AGK: variants seen among roughly 807,000 people sequenced by gnomAD.
The protein encoded by AGK is acylglycerol kinase.
In AGK, 52 loss-of-function variants were observed where a neutral mutation model predicts 66.4. The observed-to-expected ratio is 0.78, with a 90% CI of 0.63 to 0.99. AGK has a LOEUF of 0.99. AGK is among the 50% of genes least tolerant of loss of function. The pLI is 0.00. For synonymous variants in AGK, 182 were observed against 181.1 expected (o/e 1.00, Z -0.04); for missense variants, 451 against 506.6 (o/e 0.89, Z 1.05).
In AGK at chr7:141,641,832, C is replaced by T. The variant is rs143558063; in HGVS notation, c.899C>T (p.Pro300Leu). ...ACAGCCCTTTCCCAAGAGGTGAGCC[C>T]GGAGGTCTGGAAAGATGTGCAGCTG... ...PQDALSQEVS[P>L]EVWKDVQLST... Residue 300 changes from proline (P) to leucine (L), a missense_variant, in exon 13 of 16, where the codon CCG (proline) becomes CTG (leucine). Transcript: ENST00000649286. The T allele has an allele frequency of 3.5e-5, 55 of 1,581,708 alleles. No individual in the cohort carries two copies. The highest frequency in any genetic ancestry group is 4.6e-5 in the East Asian group (2 of 43,928).
At chr7:141,590,930 G>C (rs80156334) in intron 2 of AGK, among the ~76,000 whole-genome samples, 1 of 152,128 alleles carries the variant, frequency 6.6e-6, no homozygotes, top group Admixed American at 6.5e-5. Context: ...CCTGGGCACA[G>C]GGGAGCAGAG....
At chr7:141,589,720 C>A (rs1796068539) in intron 2 of AGK, among the ~76,000 whole-genome samples, 2 of 152,120 alleles carry the variant, frequency 1.3e-5, no homozygotes. Context: ...GCCACCATGC[C>A]TGGATAATTT....
Position 141,652,984 on chromosome 7 carries a change from A to G in AGK, c.*60A>G. The stretch of plus-strand genomic sequence containing the variant: ...AGGCCACCGGTGGGACCAAAAGGGA[A>G]CAGGTGCCTCAGCCATCCCAACAGT... On this transcript the variant is annotated 3_prime_UTR_variant, in exon 16 of 16. Coordinates refer to ENST00000649286, the MANE Select transcript of AGK (RefSeq NM_018238.4). 1 of 1,599,426 alleles carries G rather than the reference A, an allele frequency of 6.3e-7. No individual in the cohort carries two copies. Among genetic ancestry groups the G allele is most frequent in the Non-Finnish European group, 8.5e-7 (1 of 1,171,830 alleles).
chr7:141,644,852 C>T (rs1055651937), intron 13 of AGK, among the ~76,000 whole-genome samples: 3 of 151,970 alleles, frequency 2.0e-5, no homozygotes, highest in Non-Finnish European at 4.4e-5. Context: ...CTCCATTTTC[C>T]CCCATTGATC....
intron 13 of AGK, among the ~76,000 whole-genome samples, chr7:141,648,381 C>T (rs1797468611): frequency 6.6e-6 from 1 of 152,190 alleles, no homozygotes; most frequent in South Asian, 2.1e-4. Flanking sequence ...TGGTGCATGA[C>T]TGGCACTCAG....
intron 2 of AGK, among the ~76,000 whole-genome samples, chr7:141,583,490 G>A (rs1795927245): frequency 6.8e-6 from 1 of 147,346 alleles, no homozygotes; most frequent in Admixed American, 6.7e-5. Flanking sequence ...GAGAAGGGGT[G>A]GGCGGTGCTT....
At position 141,652,945 on chromosome 7, in the gene AGK, T is replaced by C; in HGVS notation, c.*21T>C. On this transcript the variant is annotated 3_prime_UTR_variant, in exon 16 of 16. Transcript: ENST00000649286. Reference sequence around the variant, plus strand: ...AGTGAGCAGCAGAAGACAAGCACTCTGAGACCACACTTTAGGCCACCGGTG... The same window carrying C: ...AGTGAGCAGCAGAAGACAAGCACTCCGAGACCACACTTTAGGCCACCGGTG... 1 of 1,613,314 alleles carries C rather than the reference T, an allele frequency of 6.2e-7. No homozygotes were observed. Among genetic ancestry groups the C allele is most frequent in the Non-Finnish European group, 8.5e-7 (1 of 1,179,792 alleles).
chr7:141,612,493 C>T (rs1796611023), intron 6 of AGK, among the ~76,000 whole-genome samples: 1 of 152,038 alleles, frequency 6.6e-6, no homozygotes, highest in Non-Finnish European at 1.5e-5. Context: ...ACCCATAGAT[C>T]TGCAACACCA....
rs1185892062 is a variant in AGK, at chr7:141,618,931, A to G, written c.519-2801A>G. 2.0e-5 allele frequency among the ~76,000 whole-genome samples: 3 copies of G among 152,310 alleles called. No homozygotes were observed. The East Asian group carries it at 5.8e-4, about 29-fold the overall frequency. On this transcript the variant is annotated intron_variant, in intron 8 of 15. Coordinates refer to ENST00000649286, the MANE Select transcript of AGK (RefSeq NM_018238.4). The stretch of plus-strand genomic sequence containing the variant: ...AATATAGCTATGTAACAATAGAGGC[A>G]ATAGGACACTAACACTGATATACCT...
intron 2 of AGK, 90 bp from the exon 3 acceptor site, chr7:141,593,056 C>T (rs1398983701): frequency 3.8e-6 from 4 of 1,061,830 alleles, no homozygotes; most frequent in African/African-American, 1.6e-5. Context: ...AGAAGAGGTG[C>T]CTATATTAAA....
intron 7 of AGK, among the ~76,000 whole-genome samples, chr7:141,614,666 G>C (rs1796669460): frequency 6.6e-6 from 1 of 151,966 alleles, no homozygotes; most frequent in African/African-American, 2.4e-5. Flanking sequence ...TGTAGCAAAA[G>C]AATAATAATG....
chr7:141,611,641 G>A lies in AGK; in HGVS notation c.390+354G>A, dbSNP rs1421488525. On this transcript the variant is annotated intron_variant, in intron 6 of 15. Coordinates refer to ENST00000649286, the MANE Select transcript of AGK (RefSeq NM_018238.4). ...ATGGAATCATAGTTTCCATCAACAG[G>A]TATGTTTCTTATAAAATAAACAGAT... 3.9e-5 allele frequency among the ~76,000 whole-genome samples: 6 copies of A among 152,060 alleles called. No homozygotes were observed. The East Asian group carries it at 7.7e-4, about 20-fold the overall frequency.
chr7:141,646,518 CCA>C (rs1265011199), intron 13 of AGK, among the ~76,000 whole-genome samples: 2 of 152,186 alleles, frequency 1.3e-5, no homozygotes, highest in Non-Finnish European at 2.9e-5. Context: ...CTCCAAAGAA[CCA>C]CAGTTTCTTT....
At chr7:141,582,431 G>A (rs772162575) in intron 2 of AGK, among the ~76,000 whole-genome samples, 2 of 151,962 alleles carry the variant, frequency 1.3e-5, no homozygotes, top group Non-Finnish European at 2.9e-5. Flanking sequence ...TTGAAGGCAA[G>A]GTTAATTAAG....
At chr7:141,638,767 A>G (rs1333279820) in intron 11 of AGK, among the ~76,000 whole-genome samples, 2 of 152,182 alleles carry the variant, frequency 1.3e-5, no homozygotes, top group Non-Finnish European at 2.9e-5. Flanking sequence ...GTAATACTAG[A>G]GTAAATCAAG....
At chr7:141,591,390 G>T (rs1429710233) in intron 2 of AGK, among the ~76,000 whole-genome samples, 1 of 152,076 alleles carries the variant, frequency 6.6e-6, no homozygotes, top group Non-Finnish European at 1.5e-5. Context: ...ACTGTGCCCT[G>T]CGGTTCTTAG....
At chr7:141,572,561 T>C (rs937146154) in intron 2 of AGK, among the ~76,000 whole-genome samples, 22 of 152,208 alleles carry the variant, frequency 1.4e-4, no homozygotes, top group African/African-American at 4.1e-4. Context: ...AATAGGTGTG[T>C]CAAGTGCCTG....
chr7:141,588,559 T>A (rs911115784), intron 2 of AGK, among the ~76,000 whole-genome samples: 1 of 150,842 alleles, frequency 6.6e-6, no homozygotes, highest in Non-Finnish European at 1.5e-5. Context: ...GAAGTTTCAG[T>A]GAGCCGAGAC....
intron 6 of AGK, among the ~76,000 whole-genome samples, chr7:141,612,232 A>G (rs750569453): frequency 1.3e-5 from 2 of 152,250 alleles, no homozygotes; most frequent in Non-Finnish European, 2.9e-5. Context: ...TGAAAAGACT[A>G]CATACTGTGT....
Sources: allele counts gnomAD v4.1 joint callset (sites outside exome capture counted in the v4.1 genomes callset), GRCh38; gene constraint gnomAD v4.1.1; transcripts MANE v1.5; gene names NCBI Gene and HGNC (gene_info 2026-07-23, HGNC 2026-07-21).